The following ZFPM2 variants were observed in gnomAD, a reference collection of about 807,000 sequenced individuals.
ZFPM2 encodes the protein zinc finger protein, FOG family member 2.
Under a neutral mutation model 98.6 loss-of-function variants are expected in ZFPM2, and 20 were observed. That is an observed-to-expected ratio of 0.20 (90% confidence interval 0.14 to 0.29). The LOEUF is 0.29. ZFPM2 is among the 10% of genes least tolerant of loss of function. The probability of loss-of-function intolerance (pLI) is 1.00; values close to 1 mark genes in which losing one functional copy is unlikely to be tolerated. For missense variants in ZFPM2, 1,310 were observed against 1,388.6 expected (o/e 0.94, Z 0.90); for synonymous variants, 518 against 502.7 (o/e 1.03, Z -0.41).
chr8:105,733,988 T>C (rs1368347784), intron 5 of ZFPM2, among the ~76,000 whole-genome samples: 1 of 151,866 alleles, frequency 6.6e-6, no homozygotes, highest in Non-Finnish European at 1.5e-5. Context: ...AAGAAGATCA[T>C]TCTGCCAGCC....
chr8:105,393,509 C>G (rs1811160338), intron 1 of ZFPM2, among the ~76,000 whole-genome samples: 1 of 152,106 alleles, frequency 6.6e-6, no homozygotes, highest in Admixed American at 6.6e-5. Flanking sequence ...AGTATCTACA[C>G]AACCACGGAT....
intron 5 of ZFPM2, among the ~76,000 whole-genome samples, chr8:105,765,970 A>C (rs1021973145): frequency 1.3e-5 from 2 of 151,916 alleles, no homozygotes; most frequent in African/African-American, 4.8e-5. Flanking sequence ...ATAAGTAAAA[A>C]TTTAGCTAAA....
chr8:105,441,636 A>G (rs79576481), intron 2 of ZFPM2, among the ~76,000 whole-genome samples: 7,405 of 151,936 alleles, frequency 0.049, 597 homozygotes, highest in African/African-American at 0.17. Context: ...AGGAGACATT[A>G]GGGTTCTCCA....
At position 105,355,772 on chromosome 8, in the gene ZFPM2, TTCC is replaced by T. The variant is rs1812729993; in HGVS notation, c.40+36793_40+36795del. ...ATTTTGACCAACATAGTTTAGGTGATTCCTAAATAAAAAAAACTACAGTGTGTG... is the reference window on the plus strand; with the variant it reads ...ATTTTGACCAACATAGTTTAGGTGATTAAATAAAAAAAACTACAGTGTGTG... On this transcript the variant is annotated intron_variant, in intron 1 of 7. Coordinates refer to ENST00000407775, the MANE Select transcript of ZFPM2 (RefSeq NM_012082.4). Among the ~76,000 whole-genome samples the T allele has an allele frequency of 2.6e-5, 4 of 152,296 alleles. No homozygotes were observed. The South Asian group carries it at 8.3e-4, about 32-fold the overall frequency.
At chr8:105,553,054 A>G (rs1814900735) in intron 3 of ZFPM2, among the ~76,000 whole-genome samples, 1 of 151,208 alleles carries the variant, frequency 6.6e-6, no homozygotes. Flanking sequence ...CAAGCAATCC[A>G]CCCTCCTTGG....
intron 1 of ZFPM2, among the ~76,000 whole-genome samples, chr8:105,366,409 A>C (rs1172992023): frequency 6.6e-6 from 1 of 152,194 alleles, no homozygotes; most frequent in Non-Finnish European, 1.5e-5. Flanking sequence ...TTAATTCTTT[A>C]TTAAAGAGAT....
chr8:105,471,529 G>T (rs1812903052), intron 3 of ZFPM2, among the ~76,000 whole-genome samples: 1 of 152,128 alleles, frequency 6.6e-6, no homozygotes, highest in African/African-American at 2.4e-5. Flanking sequence ...TAATTTATTG[G>T]CAGGATTAAC....
chr8:105,711,251 G>A (rs1247971872), intron 5 of ZFPM2, among the ~76,000 whole-genome samples: 4 of 152,008 alleles, frequency 2.6e-5, no homozygotes, highest in Non-Finnish European at 2.9e-5. Context: ...CAAAGTATCC[G>A]TTAGAGCTGT....
chr8:105,596,739 C>CT (rs910632602), intron 4 of ZFPM2, among the ~76,000 whole-genome samples: 2,820 of 58,856 alleles, frequency 0.048, 152 homozygotes, highest in African/African-American at 0.061. Context: ...CCTTTGTCTG[C>CT]TTTTTTTTTT....
chr8:105,501,241 G>A (rs906341114), intron 3 of ZFPM2, among the ~76,000 whole-genome samples: 5 of 148,552 alleles, frequency 3.4e-5, no homozygotes, highest in Non-Finnish European at 5.9e-5. Flanking sequence ...GCAGTGCAGT[G>A]GCGCCATCTC....
At position 105,370,567 on chromosome 8, in the gene ZFPM2, T is replaced by C. The variant is rs779416792; in HGVS notation, c.41-48577T>C. ...TTATAATGTGTACAACATGGCTTTA[T>C]GGAAACCTGAGAATAAAAGGGGCTA... On this transcript the variant is annotated intron_variant, in intron 1 of 7. Transcript: ENST00000407775. 1.3e-5 allele frequency among the ~76,000 whole-genome samples: 2 copies of C among 152,182 alleles called. 1 individual carries two copies. Among genetic ancestry groups the C allele is most frequent in the South Asian group, 4.1e-4 (2 of 4,828 alleles).
intron 3 of ZFPM2, among the ~76,000 whole-genome samples, chr8:105,478,911 T>G (rs1813063818): frequency 6.6e-6 from 1 of 152,202 alleles, no homozygotes; most frequent in Non-Finnish European, 1.5e-5. Flanking sequence ...ATCCTCAGTT[T>G]CGAGCCCCAA....
chr8:105,589,727 T>A (rs1815801885), intron 4 of ZFPM2, among the ~76,000 whole-genome samples: 1 of 152,168 alleles, frequency 6.6e-6, no homozygotes, highest in Admixed American at 6.5e-5. Context: ...TTAACTCATG[T>A]TCTTTTTTTG....
At chr8:105,593,434 T>C (rs1815893246) in intron 4 of ZFPM2, among the ~76,000 whole-genome samples, 1 of 152,000 alleles carries the variant, frequency 6.6e-6, no homozygotes, top group South Asian at 2.1e-4. Context: ...TTACATGAAG[T>C]GTTAACAGGA....
chr8:105,558,924 A>C (rs1442102130), intron 3 of ZFPM2, among the ~76,000 whole-genome samples: 2 of 152,162 alleles, frequency 1.3e-5, no homozygotes, highest in Non-Finnish European at 2.9e-5. Flanking sequence ...AGTATGGTTG[A>C]AAAAAATACT....
At chr8:105,664,760 C>T (rs552710471) in intron 5 of ZFPM2, among the ~76,000 whole-genome samples, 1 of 152,166 alleles carries the variant, frequency 6.6e-6, no homozygotes, top group South Asian at 2.1e-4. Context: ...AAAATCAGTT[C>T]AGAGGGACCT....
At chr8:105,507,435 A>T (rs1353657607) in intron 3 of ZFPM2, among the ~76,000 whole-genome samples, 1 of 152,212 alleles carries the variant, frequency 6.6e-6, no homozygotes, top group East Asian at 1.9e-4. Flanking sequence ...TAGACTTTGC[A>T]TGTAACCACC....
chr8:105,613,078 C>G (rs940099832), intron 4 of ZFPM2, among the ~76,000 whole-genome samples: 2 of 151,964 alleles, frequency 1.3e-5, no homozygotes, highest in Non-Finnish European at 2.9e-5. Flanking sequence ...TTGATTAAAA[C>G]AGATTTAAAT....
intron 1 of ZFPM2, among the ~76,000 whole-genome samples, chr8:105,376,139 A>G (rs922055949): frequency 6.6e-6 from 1 of 152,128 alleles, no homozygotes; most frequent in African/African-American, 2.4e-5. Context: ...CTCCATTTAG[A>G]CAAATCCAAT....
Sources: gnomAD v4.1 joint callset for allele counts (sites outside exome capture counted in the v4.1 genomes callset) on GRCh38, gnomAD v4.1.1 for gene constraint, MANE v1.5 for transcripts, NCBI Gene and HGNC (gene_info 2026-07-23, HGNC 2026-07-21) for gene names.